The following HYCC1 variants were observed in gnomAD, a reference collection of about 807,000 sequenced individuals.
The protein encoded by HYCC1 is hyccin PI4KA lipid kinase complex subunit 1.
At chr7:22,997,198 T>C in the HYCC1 span, among the ~76,000 whole-genome samples, 28 of 152,192 alleles carry the variant, frequency 1.8e-4, no homozygotes, top group Non-Finnish European at 3.5e-4. Flanking sequence ...CTTTTAGTGT[T>C]GTCATCAGAG....
chr7:22,979,487 A>T, the HYCC1 span, among the ~76,000 whole-genome samples: 8 of 152,182 alleles, frequency 5.3e-5, no homozygotes, highest in African/African-American at 1.9e-4. Context: ...ATTCAGAGAT[A>T]GCAAGAAAAG....
At chr7:22,899,625 G>A in the HYCC1 span, among the ~76,000 whole-genome samples, 5 of 152,208 alleles carry the variant, frequency 3.3e-5, no homozygotes, top group East Asian at 1.9e-4. Flanking sequence ...CCTGGTTTTC[G>A]CAAACCAAAC....
chr7:22,935,307 C>T, the HYCC1 span: 1 of 152,082 alleles, frequency 6.6e-6, no homozygotes, highest in Non-Finnish European at 1.5e-5. Flanking sequence ...TTTTCCACCT[C>T]CACAGAGGAT....
chr7:22,947,315 A>T, the HYCC1 span: 1 of 1,323,790 alleles, frequency 7.6e-7, no homozygotes, highest in South Asian at 1.4e-5. Context: ...TGAGAAAAGC[A>T]AAAGACTCAA....
chr7:22,967,696 C>G, the HYCC1 span, among the ~76,000 whole-genome samples: 2 of 152,138 alleles, frequency 1.3e-5, no homozygotes, highest in African/African-American at 2.4e-5. Context: ...GAATACAAGA[C>G]ATAATGGTGG....
At chr7:22,928,699 A>C in the HYCC1 span, among the ~76,000 whole-genome samples, 1 of 152,216 alleles carries the variant, frequency 6.6e-6, no homozygotes, top group Non-Finnish European at 1.5e-5. Context: ...ATACAAACAA[A>C]TGGAAGAACA....
chr7:22,920,689 T>G, the HYCC1 span, among the ~76,000 whole-genome samples: 1 of 152,142 alleles, frequency 6.6e-6, no homozygotes, highest in Non-Finnish European at 1.5e-5. Flanking sequence ...ACAAAAAGTA[T>G]GGGTAAAGGT....
At chr7:22,921,275 T>C in the HYCC1 span, among the ~76,000 whole-genome samples, 3 of 152,196 alleles carry the variant, frequency 2.0e-5, no homozygotes, top group African/African-American at 4.8e-5. Context: ...ATGAATACTT[T>C]GCAAAAACAG....
the HYCC1 span, among the ~76,000 whole-genome samples, chr7:22,955,663 G>A: frequency 9.2e-5 from 14 of 151,750 alleles, no homozygotes; most frequent in South Asian, 2.7e-3. Flanking sequence ...CATGGTAGTA[G>A]TAGTTGTCGT....
the HYCC1 span, chr7:23,013,937 C>G: frequency 1.3e-5 from 6 of 470,086 alleles, no homozygotes; most frequent in Non-Finnish European, 2.2e-5. Flanking sequence ...GGGCGGCTGC[C>G]GGAGCTCCAC....
At chr7:23,005,594 C>T in the HYCC1 span, among the ~76,000 whole-genome samples, 2 of 152,300 alleles carry the variant, frequency 1.3e-5, no homozygotes, top group African/African-American at 4.8e-5. Flanking sequence ...CTTCCAGCTG[C>T]TCACCATCAA....
At chr7:22,910,292 A>G in the HYCC1 span, among the ~76,000 whole-genome samples, 1 of 152,116 alleles carries the variant, frequency 6.6e-6, no homozygotes, top group Non-Finnish European at 1.5e-5. Context: ...TTTGTTCACA[A>G]GAGAGCTAGT....
the HYCC1 span, among the ~76,000 whole-genome samples, chr7:22,955,860 G>A: frequency 6.6e-5 from 10 of 151,548 alleles, no homozygotes; most frequent in Non-Finnish European, 1.5e-4. Context: ...CTTTGGAAAC[G>A]ACATTTAAGA....
chr7:22,993,509 G>T, the HYCC1 span, among the ~76,000 whole-genome samples: 1 of 152,078 alleles, frequency 6.6e-6, no homozygotes, highest in African/African-American at 2.4e-5. Flanking sequence ...CATGGCAAAA[G>T]TCTCATATCC....
the HYCC1 span, among the ~76,000 whole-genome samples, chr7:22,907,757 C>A: frequency 2.0e-5 from 3 of 151,948 alleles, no homozygotes; most frequent in African/African-American, 7.3e-5. Flanking sequence ...TAAAAAAATA[C>A]AAAAGTTAGC....
chr7:22,987,609 T>G, the HYCC1 span, among the ~76,000 whole-genome samples: 1 of 152,194 alleles, frequency 6.6e-6, no homozygotes, highest in African/African-American at 2.4e-5. Context: ...TGAATAATTT[T>G]ACCAAATTTT....
chr7:22,961,144 A>G, the HYCC1 span: 1 of 768,082 alleles, frequency 1.3e-6, no homozygotes, highest in African/African-American at 2.2e-5. Flanking sequence ...TATTAATGAC[A>G]TATTAATAAA....
At chr7:22,977,339 A>C in the HYCC1 span, 1 of 1,541,060 alleles carries the variant, frequency 6.5e-7, no homozygotes, top group Non-Finnish European at 9.0e-7. Context: ...AATGTCACTT[A>C]CTTCATGGTA....
chr7:22,997,000 T>G, the HYCC1 span, among the ~76,000 whole-genome samples: 1 of 152,176 alleles, frequency 6.6e-6, no homozygotes, highest in African/African-American at 2.4e-5. Flanking sequence ...GCCAAACATG[T>G]TCCGGAGCAG....
Sources: gnomAD v4.1 joint callset for allele counts (sites outside exome capture counted in the v4.1 genomes callset) on GRCh38, gnomAD v4.1.1 for gene constraint, MANE v1.5 for transcripts, NCBI Gene and HGNC (gene_info 2026-07-23, HGNC 2026-07-21) for gene names.